The following STON2 variants were observed in gnomAD, a reference collection of about 807,000 sequenced individuals.
STON2 encodes the protein stonin 2.
A neutral mutation model predicts 65.7 loss-of-function variants in STON2; 29 were observed. The ratio of observed to expected loss-of-function variants is 0.44; its 90% CI spans 0.33 to 0.60. The LOEUF (loss-of-function observed/expected upper bound fraction) is 0.60. Ranked by LOEUF, STON2 falls within the 20% of genes least tolerant of loss-of-function variation. The probability of loss-of-function intolerance (pLI) is 0.03; values close to 1 mark genes in which losing one functional copy is unlikely to be tolerated. For synonymous variants in STON2, 404 were observed against 414.2 expected, an observed-to-expected ratio of 0.98 and a Z score of 0.30; for missense variants, 1,054 against 1,118.1, an observed-to-expected ratio of 0.94 and a Z score of 0.82.
rs760610895 is a variant in STON2, at chr14:81,262,930, C to T, written c.*5484G>A. 24 of 985,332 alleles carry T rather than the reference C, an allele frequency of 2.4e-5. No individual in the cohort carries two copies. The highest frequency in any genetic ancestry group is 2.9e-5 in the Non-Finnish European group (24 of 829,886). 61.0% of individuals were successfully genotyped at this position (985,332 alleles called of 1,614,324 possible). On this transcript the variant is annotated 3_prime_UTR_variant, in exon 8 of 8. Coordinates refer to ENST00000614646, the MANE Select transcript of STON2 (RefSeq NM_001394390.1). ...ATATCTAAAGCCAGTCTCATTTAAA[C>T]AAGATAAGAAATGGTTTGTGGGGAA...
At chr14:81,406,401 C>T (rs187938226) in intron 2 of STON2, among the ~76,000 whole-genome samples, 134 of 152,228 alleles carry the variant, frequency 8.8e-4, no homozygotes, top group African/African-American at 3.1e-3. Flanking sequence ...GACCCTCTGC[C>T]TTTTTTGGTA....
At position 81,268,075 on chromosome 14, in the gene STON2, C is replaced by T; in HGVS notation, c.*339G>A. 2 of 996,728 alleles carry T rather than the reference C, an allele frequency of 2.0e-6. No individual in the cohort carries two copies. The highest frequency in any genetic ancestry group is 2.4e-6 in the Non-Finnish European group (2 of 837,064). 61.7% of individuals were successfully genotyped at this position (996,728 alleles called of 1,614,324 possible). ...AACACTGATGTGGGAGGTTCTTTTC[C>T]TGACTGTAACAGTCACAACAAACCA... On this transcript the variant is annotated 3_prime_UTR_variant, in exon 8 of 8. Transcript: ENST00000614646.
In STON2 at chr14:81,265,571, G is replaced by A. The variant is rs1013177300; in HGVS notation, c.*2843C>T. ...TCAGGAGGCTGAGGCAGGAGATTTG[G>A]GAGGCAGAGGTTGCAATGAGCCGAG... is the stretch of plus-strand genomic sequence containing the variant. On this transcript the variant is annotated 3_prime_UTR_variant, in exon 8 of 8. Coordinates refer to ENST00000614646, the MANE Select transcript of STON2 (RefSeq NM_001394390.1). 1.5e-5 allele frequency: 5 copies of A among 326,070 alleles called. No homozygotes were observed. The highest frequency in any genetic ancestry group is 1.1e-4 in the African/African-American group (5 of 44,694). The allele number at this position is 326,070 out of a possible 1,614,324, so 20.2% of individuals were successfully genotyped here.
intron 4 of STON2, among the ~76,000 whole-genome samples, chr14:81,352,594 C>A (rs772238764): frequency 2.0e-5 from 3 of 152,166 alleles, no homozygotes; most frequent in Non-Finnish European, 2.9e-5. Flanking sequence ...AGGGACAGAG[C>A]TGCATAACGT....
Position 81,262,648 on chromosome 14 carries a change from ACTGTGGATAGTTT to A in STON2, c.*5753_*5765del. The A allele has an allele frequency of 1.0e-6, 1 of 985,256 alleles. No individual in the cohort carries two copies. Among genetic ancestry groups the A allele is most frequent in the African/African-American group, 1.7e-5 (1 of 57,378 alleles). 61.0% of individuals were successfully genotyped at this position (985,256 alleles called of 1,614,324 possible). A position where few individuals can be genotyped will look rare whatever the true frequency, so the allele number is the denominator to read the frequency against. ...CTCTCCAGGCACTACCAAACTCATT[ACTGTGGATAGTTT>A]CTGCCTTTACAGGCTTAGAATTGAC... On this transcript the variant is annotated 3_prime_UTR_variant, in exon 8 of 8. Transcript: ENST00000614646.
chr14:81,289,517 C>A (rs567189244), intron 5 of STON2, among the ~76,000 whole-genome samples: 122 of 152,218 alleles, frequency 8.0e-4, no homozygotes, highest in Non-Finnish European at 1.6e-3. Flanking sequence ...TGTTCTATAA[C>A]CCTGAGGCAG....
At chr14:81,346,106 C>T (rs1897800279) in intron 4 of STON2, among the ~76,000 whole-genome samples, 2 of 152,150 alleles carry the variant, frequency 1.3e-5, no homozygotes, top group African/African-American at 4.8e-5. Flanking sequence ...TATGATGTTT[C>T]GTCCCTTTGA....
chr14:81,360,956 G>C (rs1009318323), intron 4 of STON2, among the ~76,000 whole-genome samples: 9 of 151,742 alleles, frequency 5.9e-5, no homozygotes, highest in African/African-American at 2.2e-4. Flanking sequence ...TAACCAAAGA[G>C]GTGAAAACTA....
At chr14:81,426,627 C>T (rs566877275) in intron 2 of STON2, among the ~76,000 whole-genome samples, 24 of 152,258 alleles carry the variant, frequency 1.6e-4, no homozygotes, top group Non-Finnish European at 2.6e-4. Context: ...GGCAAGAACC[C>T]TTCCCATCCA....
chr14:81,429,925 ACT>A (rs1472359267), intron 1 of STON2, among the ~76,000 whole-genome samples: 1 of 149,212 alleles, frequency 6.7e-6, no homozygotes, highest in Non-Finnish European at 1.5e-5. Flanking sequence ...ACACAGCAAG[ACT>A]CTGTCTCAAA....
At position 81,262,307 on chromosome 14, in the gene STON2, C is replaced by T. The variant is rs939084534; in HGVS notation, c.*6107G>A. The T allele has an allele frequency of 2.0e-6, 2 of 985,326 alleles. No homozygotes were observed. Among genetic ancestry groups the T allele is most frequent in the Non-Finnish European group, 2.4e-6 (2 of 829,942 alleles). The allele number at this position is 985,326 out of a possible 1,614,324, so 61.0% of individuals were successfully genotyped here. A position where few individuals can be genotyped will look rare whatever the true frequency, so the allele number is the denominator to read the frequency against. On this transcript the variant is annotated 3_prime_UTR_variant, in exon 8 of 8. Transcript: ENST00000614646. ...CTATGAGTGACTTTAAATAAACAAT[C>T]CTCAATGTCCTCGTGTCTAGCCTTT...
rs530471521 is a variant in STON2, at chr14:81,262,870, C to T, written c.*5544G>A. The T allele has an allele frequency of 8.1e-6, 8 of 985,206 alleles. No individual in the cohort carries two copies. Among genetic ancestry groups the T allele is most frequent in the Admixed American group, 6.1e-5 (1 of 16,284 alleles). 61.0% of individuals were successfully genotyped at this position (985,206 alleles called of 1,614,324 possible). On this transcript the variant is annotated 3_prime_UTR_variant, in exon 8 of 8. Coordinates refer to ENST00000614646, the MANE Select transcript of STON2 (RefSeq NM_001394390.1). The stretch of plus-strand genomic sequence containing the variant: ...GTGGTTGCCTTATACATCTCCTTCA[C>T]GTTTAATTCCTTAAACACATAAATA...
intron 4 of STON2, chr14:81,333,497 C>A: frequency 3.9e-6 from 1 of 258,862 alleles, no homozygotes; most frequent in Non-Finnish European, 7.5e-6. Flanking sequence ...GAAAACAAAG[C>A]TCAGAAAAGT....
intron 4 of STON2, among the ~76,000 whole-genome samples, chr14:81,364,860 C>T (rs936437514): frequency 4.6e-5 from 7 of 152,082 alleles, no homozygotes; most frequent in African/African-American, 1.4e-4. Flanking sequence ...CGATTTTAGC[C>T]ACCCGTATGG....
At chr14:81,350,076 G>C (rs1415782753) in intron 4 of STON2, among the ~76,000 whole-genome samples, 1 of 152,098 alleles carries the variant, frequency 6.6e-6, no homozygotes, top group Non-Finnish European at 1.5e-5. Flanking sequence ...AGAGTCGAAA[G>C]GGTATGCAGA....
At chr14:81,328,801 G>C (rs116447514) in intron 4 of STON2, among the ~76,000 whole-genome samples, 1 of 151,950 alleles carries the variant, frequency 6.6e-6, no homozygotes. Flanking sequence ...AAAAAAGCCC[G>C]GCACCTCCCC....
intron 3 of STON2, among the ~76,000 whole-genome samples, chr14:81,388,595 C>G (rs1007560205): frequency 6.6e-6 from 1 of 152,236 alleles, no homozygotes; most frequent in Non-Finnish European, 1.5e-5. Context: ...TTGTCCCTAA[C>G]TCCACTGTGC....
intron 1 of STON2, among the ~76,000 whole-genome samples, chr14:81,398,824 T>C (rs1900462863): frequency 6.6e-6 from 1 of 152,218 alleles, no homozygotes; most frequent in African/African-American, 2.4e-5. Context: ...TTTCAGCAAT[T>C]AGATTCTCTA....
At chr14:81,299,830 A>G (rs1895899925) in intron 5 of STON2, among the ~76,000 whole-genome samples, 1 of 152,070 alleles carries the variant, frequency 6.6e-6, no homozygotes, top group Non-Finnish European at 1.5e-5. Flanking sequence ...AAATAAATGG[A>G]GAGATTTCAT....
Sources: allele counts gnomAD v4.1 joint callset (sites outside exome capture counted in the v4.1 genomes callset), GRCh38; gene constraint gnomAD v4.1.1; transcripts MANE v1.5; gene names NCBI Gene and HGNC (gene_info 2026-07-23, HGNC 2026-07-21).